The following CNTNAP2 variants were observed in gnomAD, a reference collection of about 807,000 sequenced individuals.
CNTNAP2 encodes the protein contactin-associated protein-like 2.
A neutral mutation model predicts 155.2 loss-of-function variants in CNTNAP2; 98 were observed. The ratio of observed to expected loss-of-function variants is 0.63; its 90% CI spans 0.54 to 0.75. CNTNAP2 has a LOEUF of 0.75. Ranked by LOEUF, CNTNAP2 falls within the 30% of genes least tolerant of loss-of-function variation. The pLI, the probability that CNTNAP2 is intolerant of heterozygous loss-of-function variation, is 0.00. For missense variants in CNTNAP2, 1,727 were observed against 1,688.1 expected (o/e 1.02, Z -0.40); for synonymous variants, 651 against 631.2 (o/e 1.03, Z -0.47).
At position 147,296,074 on chromosome 7, in the gene CNTNAP2, C is replaced by G. The variant is rs368723171; in HGVS notation, c.1349-4067C>G. 4.6e-5 allele frequency among the ~76,000 whole-genome samples: 7 copies of G among 152,214 alleles called. 1 individual carries two copies. The highest frequency in any genetic ancestry group is 4.1e-4 in the South Asian group (2 of 4,832). On this transcript the variant is annotated intron_variant, in intron 8 of 23. Coordinates refer to ENST00000361727, the MANE Select transcript of CNTNAP2 (RefSeq NM_014141.6). Reference sequence around the variant, plus strand: ...AATTGTCGTGGAATTCTCTGAAAGGCTTTCTTGTTCTTCCACTTAGAGTAA... The same window carrying G: ...AATTGTCGTGGAATTCTCTGAAAGGGTTTCTTGTTCTTCCACTTAGAGTAA...
intron 21 of CNTNAP2, among the ~76,000 whole-genome samples, chr7:148,301,324 G>A (rs867021300): frequency 8.0e-5 from 9 of 112,380 alleles, no homozygotes; most frequent in African/African-American, 3.0e-4. Context: ...TATATATATA[G>A]GTTAAAATGT....
chr7:146,671,522 T>A (rs1800306159), intron 1 of CNTNAP2, among the ~76,000 whole-genome samples: 2 of 152,002 alleles, frequency 1.3e-5, no homozygotes, highest in Non-Finnish European at 2.9e-5. Flanking sequence ...TAATTGGGGT[T>A]AGAATTTGGA....
At chr7:146,635,614 G>T (rs1302719089) in intron 1 of CNTNAP2, among the ~76,000 whole-genome samples, 1 of 152,134 alleles carries the variant, frequency 6.6e-6, no homozygotes, top group African/African-American at 2.4e-5. Flanking sequence ...AGGACCTCTT[G>T]GTTAAGCTGC....
intron 10 of CNTNAP2, among the ~76,000 whole-genome samples, chr7:147,479,327 T>C (rs1275017392): frequency 6.6e-6 from 1 of 152,236 alleles, no homozygotes; most frequent in African/African-American, 2.4e-5. Context: ...TTGCTAATTA[T>C]GTTTGCATGA....
At chr7:147,937,064 A>G (rs1252777818) in intron 14 of CNTNAP2, among the ~76,000 whole-genome samples, 1 of 149,902 alleles carries the variant, frequency 6.7e-6, no homozygotes, top group Non-Finnish European at 1.5e-5. Context: ...CACCACCACC[A>G]CCACGATTCC....
chr7:148,052,251 A>G (rs1329928364), intron 15 of CNTNAP2, among the ~76,000 whole-genome samples: 1 of 152,054 alleles, frequency 6.6e-6, no homozygotes, highest in Non-Finnish European at 1.5e-5. Flanking sequence ...ACAAATTAAA[A>G]ACTGAGAAAC....
intron 1 of CNTNAP2, among the ~76,000 whole-genome samples, chr7:146,733,920 TC>T (rs1275840831): frequency 2.6e-5 from 4 of 152,142 alleles, no homozygotes; most frequent in African/African-American, 9.7e-5. Flanking sequence ...TCAAATATTC[TC>T]TATAAAACAT....
intron 1 of CNTNAP2, among the ~76,000 whole-genome samples, chr7:146,167,991 G>A (rs1798337541): frequency 6.6e-6 from 1 of 152,164 alleles, no homozygotes. Context: ...CTTGACAGGA[G>A]ACTGATGTTT....
chr7:146,894,796 A>G (rs10216156), intron 3 of CNTNAP2, among the ~76,000 whole-genome samples: 98,232 of 151,968 alleles, frequency 0.65, 32,096 homozygotes, highest in African/African-American at 0.71. Flanking sequence ...GCTACCATAC[A>G]ATCGATATCC....
At chr7:147,404,676 T>C (rs772571679) in intron 10 of CNTNAP2, among the ~76,000 whole-genome samples, 2 of 152,202 alleles carry the variant, frequency 1.3e-5, no homozygotes, top group Non-Finnish European at 2.9e-5. Flanking sequence ...CTCCAGTCTT[T>C]CATTTGATCT....
intron 1 of CNTNAP2, among the ~76,000 whole-genome samples, chr7:146,225,943 C>T (rs1799285769): frequency 6.6e-6 from 1 of 152,200 alleles, no homozygotes; most frequent in Non-Finnish European, 1.5e-5. Context: ...TCTTTGCAGC[C>T]AGTATTCATT....
At chr7:146,193,360 A>T (rs1351457553) in intron 1 of CNTNAP2, among the ~76,000 whole-genome samples, 1 of 152,198 alleles carries the variant, frequency 6.6e-6, no homozygotes, top group Non-Finnish European at 1.5e-5. Context: ...CCCTGCAGCA[A>T]ACTTCCACCT....
At chr7:147,635,555 A>G (rs10268795) in intron 12 of CNTNAP2, among the ~76,000 whole-genome samples, 13,613 of 151,972 alleles carry the variant, frequency 0.09, 1,680 homozygotes, top group African/African-American at 0.26. Context: ...AAACAAACAT[A>G]TAACAGATAA....
chr7:146,358,066 G>C (rs959232253), intron 1 of CNTNAP2, among the ~76,000 whole-genome samples: 2 of 151,172 alleles, frequency 1.3e-5, no homozygotes, highest in Non-Finnish European at 2.9e-5. Context: ...ATGGAGCCTC[G>C]CTCGCTTGCC....
chr7:147,980,642 C>T lies in CNTNAP2; in HGVS notation c.2383+2653C>T, dbSNP rs554596971. Among the ~76,000 whole-genome samples the T allele has an allele frequency of 4.6e-4, 70 of 151,934 alleles. 1 individual carries two copies. The highest frequency in any genetic ancestry group is 1.5e-3 in the African/African-American group (63 of 41,430). ...CATGTTCCCTTTAAGAATGTTCTCA[C>T]GGCCGGGCGCGGTGGCTCACACCTG... On this transcript the variant is annotated intron_variant, in intron 15 of 23. Coordinates refer to ENST00000361727, the MANE Select transcript of CNTNAP2 (RefSeq NM_014141.6).
chr7:146,306,341 T>C (rs1446523215), intron 1 of CNTNAP2, among the ~76,000 whole-genome samples: 1 of 152,150 alleles, frequency 6.6e-6, no homozygotes, highest in Admixed American at 6.5e-5. Context: ...GTACCATTCC[T>C]TCTGAAACTA....
intron 1 of CNTNAP2, among the ~76,000 whole-genome samples, chr7:146,218,182 G>A (rs1799145122): frequency 6.6e-6 from 1 of 152,132 alleles, no homozygotes; most frequent in Non-Finnish European, 1.5e-5. Flanking sequence ...ACCCAGTCCA[G>A]CCAGTAAGAA....
At chr7:148,062,034 T>A (rs200375621) in intron 15 of CNTNAP2, among the ~76,000 whole-genome samples, 8,098 of 84,586 alleles carry the variant, frequency 0.096, 456 homozygotes, top group East Asian at 0.33. Context: ...AGAGAGTGTG[T>A]GTGTGTGTGT....
At chr7:147,858,604 T>C (rs1563113755) in intron 13 of CNTNAP2, among the ~76,000 whole-genome samples, 1 of 152,196 alleles carries the variant, frequency 6.6e-6, no homozygotes, top group African/African-American at 2.4e-5. Flanking sequence ...TATTTGGGAG[T>C]TGCAGATGTA....
Sources: gnomAD v4.1 joint callset for allele counts (sites outside exome capture counted in the v4.1 genomes callset) on GRCh38, gnomAD v4.1.1 for gene constraint, MANE v1.5 for transcripts, NCBI Gene and HGNC (gene_info 2026-07-23, HGNC 2026-07-21) for gene names.